The following ARHGEF4 variants were observed in gnomAD, a reference collection of about 807,000 sequenced individuals.
ARHGEF4 encodes the protein APC-stimulated guanine nucleotide exchange factor 1.
In ARHGEF4, 119 loss-of-function variants were observed where a neutral mutation model predicts 162.0. That is an observed-to-expected ratio of 0.73 (90% CI 0.63 to 0.86). The LOEUF is 0.86. Among genes scored for constraint, ARHGEF4 ranks in the 40% least tolerant of loss-of-function variants. ARHGEF4 has a pLI of 0.00. For synonymous variants in ARHGEF4, 1,014 were observed against 979.9 expected, an observed-to-expected ratio of 1.03 and a Z score of -0.65; for missense variants, 2,488 against 2,456.0, an observed-to-expected ratio of 1.01 and a Z score of -0.28.
chr2:130,930,057 T>C (rs150738873), intron 2 of ARHGEF4, among the ~76,000 whole-genome samples: 2,333 of 152,074 alleles, frequency 0.015, 66 homozygotes, highest in African/African-American at 0.054. Flanking sequence ...CACACCTGGC[T>C]AAGTTTTTTG....
intron 4 of ARHGEF4, among the ~76,000 whole-genome samples, chr2:130,991,053 T>C (rs764494859): frequency 6.6e-6 from 1 of 152,154 alleles, no homozygotes; most frequent in Middle Eastern, 3.4e-3. Context: ...AAGGAGAAAA[T>C]AGACTAAGAC....
In ARHGEF4 at chr2:131,043,597, T is replaced by TCTGCC; in HGVS notation, c.5157+19_5157+23dup. ...TACTGTAAGAAGGTACCAGAGCTGC[T>TCTGCC]CTGCCCTGCTGCCCCAAGTTGAGCA... On this transcript the variant is annotated intron_variant, in intron 11 of 13. Transcript: ENST00000409359. 6.2e-7 allele frequency: 1 copy of TCTGCC among 1,613,662 alleles called. No individual in the cohort carries two copies. Among genetic ancestry groups the TCTGCC allele is most frequent in the Non-Finnish European group, 8.5e-7 (1 of 1,179,830 alleles).
At chr2:131,032,321 G>A (rs1257556479) in intron 5 of ARHGEF4, among the ~76,000 whole-genome samples, 1 of 152,026 alleles carries the variant, frequency 6.6e-6, no homozygotes, top group Admixed American at 6.5e-5. Context: ...TATAGGACAT[G>A]AGGCCAGCTC....
chr2:131,025,980 GTAACA>G (rs1689453621), intron 4 of ARHGEF4, among the ~76,000 whole-genome samples: 3 of 152,098 alleles, frequency 2.0e-5, no homozygotes, highest in Admixed American at 2.0e-4. Context: ...AATTCCTCAC[GTAACA>G]TAACATATTC....
chr2:131,013,099 G>A (rs560656273), intron 4 of ARHGEF4, among the ~76,000 whole-genome samples: 13 of 152,268 alleles, frequency 8.5e-5, no homozygotes, highest in South Asian at 8.3e-4. Context: ...CAGATATTAC[G>A]TGCCGAGACC....
At chr2:130,969,697 C>T (rs961512196) in intron 4 of ARHGEF4, among the ~76,000 whole-genome samples, 9 of 151,980 alleles carry the variant, frequency 5.9e-5, no homozygotes, top group African/African-American at 1.9e-4. Context: ...TTTTGGTGTA[C>T]AATTCTTAGA....
chr2:130,856,245 A>G (rs112564746), intron 1 of ARHGEF4, among the ~76,000 whole-genome samples: 12 of 152,358 alleles, frequency 7.9e-5, no homozygotes, highest in African/African-American at 2.6e-4. Flanking sequence ...GGGGCTGAAC[A>G]GTAGATTTGA....
At chr2:130,873,464 C>T (rs1022545807) in intron 1 of ARHGEF4, among the ~76,000 whole-genome samples, 1 of 151,734 alleles carries the variant, frequency 6.6e-6, no homozygotes, top group African/African-American at 2.4e-5. Flanking sequence ...TGGCGGGCAC[C>T]TGTAATCCTA....
At chr2:130,922,472 G>C (rs1352680438) in intron 2 of ARHGEF4, among the ~76,000 whole-genome samples, 1 of 152,130 alleles carries the variant, frequency 6.6e-6, no homozygotes, top group Non-Finnish European at 1.5e-5. Context: ...CAAAAGAGAG[G>C]CTCAAATTTT....
chr2:130,967,254 G>A (rs1685064930), intron 4 of ARHGEF4, among the ~76,000 whole-genome samples: 1 of 152,198 alleles, frequency 6.6e-6, no homozygotes, highest in South Asian at 2.1e-4. Context: ...CTGTGGAGAG[G>A]ACTTCCCTTT....
chr2:130,950,690 C>G (rs571939962), intron 4 of ARHGEF4, among the ~76,000 whole-genome samples: 3,123 of 149,222 alleles, frequency 0.021, 117 homozygotes, highest in African/African-American at 0.071. Context: ...GCTATTACCC[C>G]CCACCACCAC....
chr2:130,973,268 C>T (rs1685482698), intron 4 of ARHGEF4, among the ~76,000 whole-genome samples: 1 of 152,206 alleles, frequency 6.6e-6, no homozygotes, highest in Admixed American at 6.5e-5. Context: ...GCAGGCAGAT[C>T]ACGTAAGGCC....
intron 4 of ARHGEF4, among the ~76,000 whole-genome samples, chr2:131,010,482 T>C (rs1389309315): frequency 6.6e-6 from 1 of 152,202 alleles, no homozygotes; most frequent in Non-Finnish European, 1.5e-5. Flanking sequence ...AAAATAAATA[T>C]TTTATTCATT....
chr2:131,025,509 G>T (rs1232560695), intron 4 of ARHGEF4, among the ~76,000 whole-genome samples: 2 of 152,166 alleles, frequency 1.3e-5, no homozygotes, highest in African/African-American at 4.8e-5. Context: ...TAAGGAACTT[G>T]CCATTTGCCA....
chr2:131,012,289 A>G (rs1195195085), intron 4 of ARHGEF4, among the ~76,000 whole-genome samples: 1 of 152,134 alleles, frequency 6.6e-6, no homozygotes, highest in African/African-American at 2.4e-5. Context: ...TGAGATGCAT[A>G]TCAGGCATCT....
At chr2:130,925,102 G>A (rs970989600) in intron 2 of ARHGEF4, among the ~76,000 whole-genome samples, 1 of 151,248 alleles carries the variant, frequency 6.6e-6, no homozygotes, top group Non-Finnish European at 1.5e-5. Flanking sequence ...GAGAGAGAGA[G>A]AGAATGAACA....
chr2:130,884,559 T>C (rs114759265), intron 1 of ARHGEF4, among the ~76,000 whole-genome samples: 2,266 of 152,164 alleles, frequency 0.015, 32 homozygotes, highest in Non-Finnish European at 0.024. Context: ...GCACCTGATA[T>C]ATGGTGGCTG....
At chr2:130,853,799 TC>T (rs1399230752) in intron 1 of ARHGEF4, among the ~76,000 whole-genome samples, 1 of 152,198 alleles carries the variant, frequency 6.6e-6, no homozygotes, top group Non-Finnish European at 1.5e-5. Context: ...CCTGCCGTCA[TC>T]CCAGGAATGG....
chr2:130,966,412 A>G (rs974028250), intron 4 of ARHGEF4, among the ~76,000 whole-genome samples: 3 of 152,194 alleles, frequency 2.0e-5, no homozygotes, highest in African/African-American at 7.2e-5. Context: ...CTGTTTGAAT[A>G]TGGTTGGAAA....
Sources: allele counts gnomAD v4.1 joint callset (sites outside exome capture counted in the v4.1 genomes callset), GRCh38; gene constraint gnomAD v4.1.1; transcripts MANE v1.5; gene names NCBI Gene and HGNC (gene_info 2026-07-23, HGNC 2026-07-21).